The following APBA2 variants were observed in gnomAD, a reference collection of about 807,000 sequenced individuals.
APBA2 encodes amyloid beta precursor protein binding family A member 2, also known as amyloid-beta A4 precursor protein-binding family A member 2.
APBA2 carries 30 observed loss-of-function variants against 75.0 expected under a neutral mutation model. That is an observed-to-expected ratio of 0.40 (90% CI 0.30 to 0.54). The LOEUF (loss-of-function observed/expected upper bound fraction) is 0.54, where lower values mean the gene tolerates loss of function less well. APBA2 is among the 20% of genes least tolerant of loss of function. The probability of loss-of-function intolerance (pLI) is 0.49; values close to 1 mark genes in which losing one functional copy is unlikely to be tolerated. For missense variants in APBA2, 801 were observed against 1,016.1 expected, an observed-to-expected ratio of 0.79 and a Z score of 2.88; for synonymous variants, 444 against 409.6, an observed-to-expected ratio of 1.08 and a Z score of -1.01.
chr15:29,029,792 G>A (rs1214375294), intron 3 of APBA2, among the ~76,000 whole-genome samples: 1 of 152,180 alleles, frequency 6.6e-6, no homozygotes, highest in Non-Finnish European at 1.5e-5. Context: ...TCCAGCACTG[G>A]TCTAGAGATG....
chr15:29,073,211 C>A (rs2152922820), intron 4 of APBA2, among the ~76,000 whole-genome samples: 1 of 152,326 alleles, frequency 6.6e-6, no homozygotes, highest in African/African-American at 2.4e-5. Context: ...GGCAGCCATG[C>A]CTCGTGGCAT....
At position 29,094,268 on chromosome 15, in the gene APBA2, A is replaced by G. The variant is rs2043733947; in HGVS notation, c.1216-10A>G. ...CCAACTTGTTTTTCTTTTCTCTTCC[A>G]TGCTGTCAGAGGATGCAAAAGGCTG... On this transcript the variant is annotated splice_polypyrimidine_tract_variant and intron_variant, in intron 7 of 14. Transcript: ENST00000683413. 1.9e-6 allele frequency: 3 copies of G among 1,613,964 alleles called. No individual in the cohort carries two copies. Among genetic ancestry groups the G allele is most frequent in the African/African-American group, 1.3e-5 (1 of 74,892 alleles).
At position 29,069,839 on chromosome 15, in the gene APBA2, A is replaced by G. The variant is rs115028780; in HGVS notation, c.952-5082A>G. 4.8e-3 allele frequency among the ~76,000 whole-genome samples: 726 copies of G among 152,384 alleles called. 9 individuals carry two copies. Among genetic ancestry groups the G allele is most frequent in the African/African-American group, 0.014 (591 of 41,598 alleles). On this transcript the variant is annotated intron_variant, in intron 4 of 14. Coordinates refer to ENST00000683413, the MANE Select transcript of APBA2 (RefSeq NM_001353788.2). ...GGTACTTGACAAAGCCTCAAAATGC[A>G]GTGACAAGTTTAGATAAATATGATT...
chr15:29,095,168 C>T (rs1411205260), intron 8 of APBA2, among the ~76,000 whole-genome samples: 1 of 152,014 alleles, frequency 6.6e-6, no homozygotes, highest in African/African-American at 2.4e-5. Context: ...TGGCTCACGC[C>T]TGTAATCCCA....
chr15:28,952,649 A>T (rs922174848), intron 2 of APBA2, among the ~76,000 whole-genome samples: 3 of 152,204 alleles, frequency 2.0e-5, no homozygotes, highest in Admixed American at 6.5e-5. Flanking sequence ...AATTGAATTT[A>T]CTGTTTGTTT....
At chr15:29,103,249 C>CA (rs2044221911) in intron 10 of APBA2, among the ~76,000 whole-genome samples, 1 of 152,200 alleles carries the variant, frequency 6.6e-6, no homozygotes, top group African/African-American at 2.4e-5. Context: ...GGGTTAAAGC[C>CA]AGGGTATGCC....
At chr15:28,923,249 A>G (rs1191934212) in intron 2 of APBA2, among the ~76,000 whole-genome samples, 1 of 151,752 alleles carries the variant, frequency 6.6e-6, no homozygotes, top group Non-Finnish European at 1.5e-5. Context: ...CCCACTCCCC[A>G]TAGATTACCA....
intron 2 of APBA2, among the ~76,000 whole-genome samples, chr15:28,968,064 C>T (rs2036837580): frequency 6.6e-6 from 1 of 152,258 alleles, no homozygotes; most frequent in Admixed American, 6.5e-5. Context: ...GCGTGACTGA[C>T]TTCTTTCCCT....
intron 3 of APBA2, among the ~76,000 whole-genome samples, chr15:29,049,475 C>A (rs916754260): frequency 6.6e-6 from 1 of 152,192 alleles, no homozygotes; most frequent in African/African-American, 2.4e-5. Flanking sequence ...AGCACACAGA[C>A]TCAGGGAGTT....
intron 2 of APBA2, among the ~76,000 whole-genome samples, chr15:28,940,935 G>C (rs561277147): frequency 3.3e-5 from 5 of 152,204 alleles, no homozygotes; most frequent in Non-Finnish European, 7.3e-5. Context: ...AAGGACTCGT[G>C]AGCTCACCTG....
chr15:29,043,262 G>A (rs1434910041), intron 3 of APBA2, among the ~76,000 whole-genome samples: 1 of 152,116 alleles, frequency 6.6e-6, no homozygotes, highest in South Asian at 2.1e-4. Flanking sequence ...GCAGATCATC[G>A]CCCTTTGCGT....
At chr15:28,888,355 A>G (rs1220447064) in intron 1 of APBA2, among the ~76,000 whole-genome samples, 1 of 152,242 alleles carries the variant, frequency 6.6e-6, no homozygotes, top group African/African-American at 2.4e-5. Context: ...AGTCAGAGGA[A>G]AAACAGTTGA....
chr15:28,976,759 A>G (rs1385101549), intron 2 of APBA2, among the ~76,000 whole-genome samples: 1 of 152,214 alleles, frequency 6.6e-6, no homozygotes. Context: ...CTGTTTATAA[A>G]TGAGTTTGGC....
At chr15:29,081,892 G>A (rs746859584) in intron 6 of APBA2, among the ~76,000 whole-genome samples, 1 of 152,198 alleles carries the variant, frequency 6.6e-6, no homozygotes, top group African/African-American at 2.4e-5. Context: ...TTATGGAGGC[G>A]GTTCCTGGCT....
At chr15:28,949,459 C>A (rs915877220) in intron 2 of APBA2, among the ~76,000 whole-genome samples, 1 of 152,052 alleles carries the variant, frequency 6.6e-6, no homozygotes, top group Non-Finnish European at 1.5e-5. Flanking sequence ...GGGAGCCGTG[C>A]CTATTCCATT....
At chr15:29,114,160 G>A (rs2044911429) in intron 14 of APBA2, 144 bp downstream of exon 14, 1 of 1,285,338 alleles carries the variant, frequency 7.8e-7, no homozygotes, top group Non-Finnish European at 1.1e-6. Context: ...CTGTGACAAG[G>A]GTGAATGGAG....
At chr15:28,971,876 C>T (rs879894049) in intron 2 of APBA2, among the ~76,000 whole-genome samples, 3 of 152,064 alleles carry the variant, frequency 2.0e-5, no homozygotes, top group Non-Finnish European at 4.4e-5. Context: ...GCACACCTAG[C>T]GTCCATACAA....
intron 1 of APBA2, among the ~76,000 whole-genome samples, chr15:28,888,142 C>A (rs1311296050): frequency 7.2e-5 from 11 of 152,138 alleles, no homozygotes; most frequent in Admixed American, 2.0e-4. Flanking sequence ...GTTCTAACCT[C>A]TTTTTTTCAA....
intron 6 of APBA2, among the ~76,000 whole-genome samples, chr15:29,084,571 A>G (rs8035420): frequency 0.013 from 2,023 of 152,328 alleles, 59 homozygotes; most frequent in African/African-American, 0.046. Flanking sequence ...AATAATTTCA[A>G]TGCTGTTATC....
Sources: allele counts gnomAD v4.1 joint callset (sites outside exome capture counted in the v4.1 genomes callset), GRCh38; gene constraint gnomAD v4.1.1; transcripts MANE v1.5; gene names NCBI Gene and HGNC (gene_info 2026-07-23, HGNC 2026-07-21).